The following PKP4 variants were observed in gnomAD, a reference collection of about 807,000 sequenced individuals.
PKP4 encodes plakophilin 4, also known as plakophilin-4.
PKP4 carries 90 observed loss-of-function variants against 145.1 expected under a neutral mutation model. The observed-to-expected ratio is 0.62, with a 90% CI of 0.52 to 0.74. The LOEUF (loss-of-function observed/expected upper bound fraction) is 0.74, where lower values mean the gene tolerates loss of function less well. PKP4 is among the 30% of genes least tolerant of loss of function. The pLI is 0.00. For synonymous variants in PKP4, 563 were observed against 577.2 expected, an observed-to-expected ratio of 0.98 and a Z score of 0.35; for missense variants, 1,340 against 1,482.7, an observed-to-expected ratio of 0.90 and a Z score of 1.58.
intron 1 of PKP4, among the ~76,000 whole-genome samples, chr2:158,489,743 T>G (rs1160715923): frequency 1.3e-5 from 2 of 152,250 alleles, no homozygotes; most frequent in East Asian, 3.8e-4. Context: ...TCTTTCCTTT[T>G]GGAATCATTT....
chr2:158,583,634 C>A (rs1250825623), intron 3 of PKP4, among the ~76,000 whole-genome samples: 1 of 152,158 alleles, frequency 6.6e-6, no homozygotes, highest in Non-Finnish European at 1.5e-5. Context: ...ACCACCACTA[C>A]AGCTGACATA....
intron 7 of PKP4, among the ~76,000 whole-genome samples, chr2:158,628,140 A>G (rs1558914326): frequency 6.6e-6 from 1 of 151,466 alleles, no homozygotes; most frequent in Non-Finnish European, 1.5e-5. Context: ...GCCACCATGC[A>G]CGGCTAATTT....
intron 1 of PKP4, among the ~76,000 whole-genome samples, chr2:158,479,965 T>C (rs1019750641): frequency 6.6e-6 from 1 of 152,232 alleles, no homozygotes; most frequent in Non-Finnish European, 1.5e-5. Context: ...GCTTAAATGT[T>C]TGTATCCTTC....
At chr2:158,528,934 C>A (rs2105607326) in intron 1 of PKP4, among the ~76,000 whole-genome samples, 1 of 152,242 alleles carries the variant, frequency 6.6e-6, no homozygotes, top group Non-Finnish European at 1.5e-5. Flanking sequence ...CTGAAAACTC[C>A]TGAGGAACAT....
Position 158,621,429 on chromosome 2 carries a change from A to C in PKP4, c.603+8A>C. On this transcript the variant is annotated splice_region_variant and intron_variant, in intron 6 of 21. Coordinates refer to ENST00000389759, the MANE Select transcript of PKP4 (RefSeq NM_003628.6). The stretch of plus-strand genomic sequence containing the variant: ...GGACAAACACTGGTTCAGGTAAGCC[A>C]AACGCATCAAGATCTCTGCAAAGAA... 6.2e-7 allele frequency: 1 copy of C among 1,611,602 alleles called. No individual in the cohort carries two copies. Among genetic ancestry groups the C allele is most frequent in the Non-Finnish European group, 8.5e-7 (1 of 1,177,798 alleles).
At chr2:158,500,246 A>T (rs1696349244) in intron 1 of PKP4, among the ~76,000 whole-genome samples, 1 of 152,194 alleles carries the variant, frequency 6.6e-6, no homozygotes, top group Admixed American at 6.5e-5. Context: ...ACAGTAGCAA[A>T]TGAGGGCCCC....
intron 3 of PKP4, chr2:158,588,142 T>A (rs2048961094): frequency 6.6e-6 from 1 of 152,174 alleles, no homozygotes; most frequent in Admixed American, 6.5e-5. Context: ...ATATCCTGGT[T>A]CACATGTGTA....
At chr2:158,574,043 G>A (rs1267425572) in intron 2 of PKP4, among the ~76,000 whole-genome samples, 3 of 152,230 alleles carry the variant, frequency 2.0e-5, no homozygotes, top group African/African-American at 7.2e-5. Context: ...TCATCTGAAA[G>A]TGCAGCTTTA....
chr2:158,554,295 C>CCGGG (rs1438351662), intron 2 of PKP4, among the ~76,000 whole-genome samples: 1 of 152,112 alleles, frequency 6.6e-6, no homozygotes, highest in East Asian at 1.9e-4. Flanking sequence ...CCTAGACAGC[C>CCGGG]CATCCAGGCT....
intron 6 of PKP4, 145 bp downstream of exon 6, chr2:158,621,566 C>A: frequency 3.2e-6 from 2 of 620,230 alleles, no homozygotes; most frequent in South Asian, 2.0e-5. Context: ...CCTAACATGG[C>A]GAAACCCCGT....
chr2:158,591,963 T>C (rs538817513), intron 3 of PKP4, among the ~76,000 whole-genome samples: 40 of 152,184 alleles, frequency 2.6e-4, no homozygotes, highest in African/African-American at 8.9e-4. Flanking sequence ...AAGCTAGAAA[T>C]TTAAGGCAGT....
chr2:158,473,540 A>G (rs1378910655), intron 1 of PKP4, among the ~76,000 whole-genome samples: 2 of 152,210 alleles, frequency 1.3e-5, no homozygotes, highest in Non-Finnish European at 2.9e-5. Context: ...TATTATCCTC[A>G]GGAAACTAAC....
chr2:158,643,025 T>C (rs1442146693), intron 11 of PKP4, among the ~76,000 whole-genome samples: 1 of 152,238 alleles, frequency 6.6e-6, no homozygotes, highest in South Asian at 2.1e-4. Flanking sequence ...GACTATCCTA[T>C]ATTATGAAAA....
intron 19 of PKP4, among the ~76,000 whole-genome samples, chr2:158,674,431 C>G (rs1037175802): frequency 2.0e-5 from 3 of 152,150 alleles, no homozygotes; most frequent in Non-Finnish European, 1.5e-5. Context: ...CTTAGTGAAA[C>G]CTTTTAGAAG....
Position 158,625,269 on chromosome 2 carries a change from A to G in PKP4, c.995A>G (p.Gln332Arg). The change falls in exon 7 of 22, where the codon CAG becomes CGG. Residue 332 changes from glutamine (Q) to arginine (R), a missense_variant. Gln to Arg is a conservative substitution (Grantham distance 43). Transcript: ENST00000389759. ...QTRVASPSQG[Q>R]VGSSSPKRSG... ...CGAGTAGCTTCCCCATCCCAAGGCC[A>G]GGTGGGGTCGTCGTCCCCCAAACGC... The G allele has an allele frequency of 6.2e-7, 1 of 1,614,188 alleles. No individual in the cohort carries two copies. Among genetic ancestry groups the G allele is most frequent in the Non-Finnish European group, 8.5e-7 (1 of 1,180,022 alleles).
chr2:158,502,505 C>T (rs1696732598), intron 1 of PKP4, among the ~76,000 whole-genome samples: 1 of 152,192 alleles, frequency 6.6e-6, no homozygotes, highest in Non-Finnish European at 1.5e-5. Context: ...ACCTTGAGTT[C>T]TCTAACACAT....
At chr2:158,590,647 A>G (rs1014712524) in intron 3 of PKP4, among the ~76,000 whole-genome samples, 24 of 152,124 alleles carry the variant, frequency 1.6e-4, no homozygotes, top group Admixed American at 1.6e-3. Context: ...ACATTTGTAA[A>G]TGACAACTGA....
rs187429072 is a variant in PKP4, at chr2:158,504,592, T to C, written c.-5-28588T>C. On this transcript the variant is annotated intron_variant, in intron 1 of 21. Coordinates refer to ENST00000389759, the MANE Select transcript of PKP4 (RefSeq NM_003628.6). ...AGTAGTACTTAATTATTTACTAGAA[T>C]AGGTAGTATTAACTTAAAAGTTCTT... is the stretch of plus-strand genomic sequence containing the variant. 8.5e-5 allele frequency among the ~76,000 whole-genome samples: 13 copies of C among 152,316 alleles called. No homozygotes were observed. The East Asian group carries it at 2.5e-3, about 29-fold the overall frequency.
intron 1 of PKP4, among the ~76,000 whole-genome samples, chr2:158,479,105 T>C (rs1377589450): frequency 2.0e-5 from 3 of 152,200 alleles, no homozygotes; most frequent in Non-Finnish European, 2.9e-5. Context: ...TATTTTTCCA[T>C]TAGTAGGAGT....
Sources: allele counts gnomAD v4.1 joint callset (sites outside exome capture counted in the v4.1 genomes callset), GRCh38; gene constraint gnomAD v4.1.1; transcripts MANE v1.5; gene names NCBI Gene and HGNC (gene_info 2026-07-23, HGNC 2026-07-21).